The following EIF4G3 variants were observed in gnomAD, a reference collection of about 807,000 sequenced individuals.
The protein encoded by EIF4G3 is eukaryotic translation initiation factor 4 gamma 3.
In EIF4G3, 34 loss-of-function variants were observed where a neutral mutation model predicts 186.4. The ratio of observed to expected loss-of-function variants is 0.18; its 90% CI spans 0.14 to 0.24. The LOEUF is 0.24. Among genes scored for constraint, EIF4G3 ranks in the 10% least tolerant of loss-of-function variants. The pLI is 1.00. For synonymous variants in EIF4G3, 673 were observed against 679.5 expected, an observed-to-expected ratio of 0.99 and a Z score of 0.15; for missense variants, 1,536 against 1,948.5, an observed-to-expected ratio of 0.79 and a Z score of 3.99.
chr1:20,866,355 T>C (rs956732872), intron 20 of EIF4G3, among the ~76,000 whole-genome samples: 16 of 152,216 alleles, frequency 1.1e-4, no homozygotes, highest in African/African-American at 3.9e-4. Flanking sequence ...TTCCCTACGA[T>C]GTATGAAAGA....
chr1:21,099,607 T>C (rs2101753975), intron 2 of EIF4G3, among the ~76,000 whole-genome samples: 1 of 152,242 alleles, frequency 6.6e-6, no homozygotes, highest in Middle Eastern at 3.4e-3. Flanking sequence ...AATATACTAG[T>C]TAAGACAAAA....
chr1:21,109,912 G>A (rs558966517), intron 2 of EIF4G3, among the ~76,000 whole-genome samples: 1 of 152,202 alleles, frequency 6.6e-6, no homozygotes, highest in East Asian at 1.9e-4. Flanking sequence ...AGCCACCCAA[G>A]TAGCTGGGAT....
chr1:20,819,304 TC>T lies in EIF4G3; in HGVS notation c.4369-1767del, dbSNP rs201792687. Among the ~76,000 whole-genome samples the T allele has an allele frequency of 6.0e-3, 910 of 151,622 alleles. 6 individuals carry two copies. The highest frequency in any genetic ancestry group is 0.021 in the African/African-American group (876 of 41,460). ...TATATATATTATTTTGCCTTTTTTT[TC>T]TTTTAAACTGAAGTCTCATATTTAT... is the stretch of plus-strand genomic sequence containing the variant. On this transcript the variant is annotated intron_variant, in intron 33 of 36. Transcript: ENST00000602326.
intron 2 of EIF4G3, among the ~76,000 whole-genome samples, chr1:21,134,774 G>C (rs745706959): frequency 5.3e-5 from 8 of 152,166 alleles, no homozygotes; most frequent in Admixed American, 1.3e-4. Flanking sequence ...ATCAAGGAGG[G>C]TACATGCAAG....
rs1193023322 is a variant in EIF4G3 at position 20,951,112 on chromosome 1, T to TG, written c.715-1002dup. Reference sequence around the variant, plus strand: ...GGGAGTAGGGATGGGGAGATTAAGATGTGGGTGAGTGTGGGCAAACAGAGA... The same window carrying TG: ...GGGAGTAGGGATGGGGAGATTAAGATGGTGGGTGAGTGTGGGCAAACAGAGA... On this transcript the variant is annotated intron_variant, in intron 12 of 36. Coordinates refer to ENST00000602326, the MANE Select transcript of EIF4G3 (RefSeq NM_001391906.1). Among the ~76,000 whole-genome samples, 11 of 151,920 alleles carry TG rather than the reference T, an allele frequency of 7.2e-5. No individual in the cohort carries two copies. In the East Asian group the frequency reaches 2.1e-3, roughly 29 times the overall value.
chr1:20,942,169 A>G lies in EIF4G3; in HGVS notation c.985T>C (p.Ser329Pro), dbSNP rs1446954853. 1 of 1,614,168 alleles carries G rather than the reference A, an allele frequency of 6.2e-7. No individual in the cohort carries two copies. Among genetic ancestry groups the G allele is most frequent in the Admixed American group, 1.7e-5 (1 of 60,030 alleles). ...GCTGCAATTGTACTTCGAGCAACAGAAGAAACAGTGGTAGGTGATGGAGGC... is the reference window on the plus strand; with the variant it reads ...GCTGCAATTGTACTTCGAGCAACAGGAGAAACAGTGGTAGGTGATGGAGGC... ...PLPPSPTTVS[S>P]VARSTIAAPT... The change falls in exon 14 of 37, where the codon TCT becomes CCT. Residue 329 changes from serine to proline, a missense_variant. Around this residue, in one of 11 missense-constraint regions of EIF4G3, gnomAD observed 560 missense variants for 547.8 expected, o/e 1.02. Coordinates refer to ENST00000602326, the MANE Select transcript of EIF4G3 (RefSeq NM_001391906.1).
At chr1:20,817,681 GTT>G (rs34471464) in intron 33 of EIF4G3, 143 bp from the exon 34 acceptor site, 62,301 of 148,386 alleles carry the variant, frequency 0.42, 9,483 homozygotes, top group East Asian at 0.55. Flanking sequence ...TATGTTTGTA[GTT>G]TTTTTTTTTT....
chr1:20,889,940 T>A (rs893812111), intron 18 of EIF4G3, among the ~76,000 whole-genome samples: 3 of 152,124 alleles, frequency 2.0e-5, no homozygotes, highest in African/African-American at 7.2e-5. Flanking sequence ...ATTAAAAATA[T>A]TTTATAGCAA....
intron 12 of EIF4G3, among the ~76,000 whole-genome samples, chr1:20,957,720 A>G (rs60977809): frequency 3.2e-3 from 491 of 152,250 alleles, no homozygotes; most frequent in Middle Eastern, 6.8e-3. Flanking sequence ...TGGAGACATT[A>G]CAACAAACAC....
At position 21,013,510 on chromosome 1, in the gene EIF4G3, G is replaced by C. The variant is rs919815078; in HGVS notation, c.-66-10702C>G. Among the ~76,000 whole-genome samples the C allele has an allele frequency of 2.0e-5, 3 of 152,128 alleles. 1 individual carries two copies. Among genetic ancestry groups the C allele is most frequent in the Non-Finnish European group, 4.4e-5 (3 of 68,014 alleles). On this transcript the variant is annotated intron_variant, in intron 4 of 36. Coordinates refer to ENST00000602326, the MANE Select transcript of EIF4G3 (RefSeq NM_001391906.1). ...TCGTTCTGGCTTGTCTGGGGGTGCT[G>C]CTCATGGGACTGATTACTGTTTCAC...
intron 2 of EIF4G3, among the ~76,000 whole-genome samples, chr1:21,100,243 G>C (rs1163924139): frequency 6.6e-6 from 1 of 152,062 alleles, no homozygotes; most frequent in African/African-American, 2.4e-5. Flanking sequence ...AAAGGATCCT[G>C]GGTTTCTTTT....
At chr1:21,110,547 G>A (rs1466295234) in intron 2 of EIF4G3, among the ~76,000 whole-genome samples, 3 of 151,708 alleles carry the variant, frequency 2.0e-5, no homozygotes, top group Non-Finnish European at 4.4e-5. Flanking sequence ...CGCCCACCTC[G>A]GCCTTCCAAA....
In EIF4G3 at chr1:21,011,396, C is replaced by G. The variant is rs140409683; in HGVS notation, c.-66-8588G>C. Among the ~76,000 whole-genome samples, 631 of 152,184 alleles carry G rather than the reference C, an allele frequency of 4.1e-3. 7 individuals carry two copies. The highest frequency in any genetic ancestry group is 0.013 in the African/African-American group (560 of 41,534). On this transcript the variant is annotated intron_variant, in intron 4 of 36. Transcript: ENST00000602326. ...GGAATTTGAGAAATAAAACAGAGCT[C>G]CCATATACTCTTCATCTAGTTTCCC...
chr1:20,910,825 A>G (rs914885076), intron 14 of EIF4G3, among the ~76,000 whole-genome samples: 1 of 152,194 alleles, frequency 6.6e-6, no homozygotes, highest in Non-Finnish European at 1.5e-5. Flanking sequence ...ACACAAAATT[A>G]TACCTACACT....
rs1260475071 is a variant in EIF4G3 at position 20,914,873 on chromosome 1, GTA to G, written c.1664-9904_1664-9903del. Among the ~76,000 whole-genome samples, 8 of 152,204 alleles carry G rather than the reference GTA, an allele frequency of 5.3e-5. No homozygotes were observed. In the East Asian group the frequency reaches 1.5e-3, roughly 29 times the overall value. On this transcript the variant is annotated intron_variant, in intron 14 of 36. Transcript: ENST00000602326. Reference sequence around the variant, plus strand: ...GTCTATCTTGGTAAATCTTCAATTTGTATTTGAAAAGAATGTGTATCTACTGT... The same window carrying G: ...GTCTATCTTGGTAAATCTTCAATTTGTTTGAAAAGAATGTGTATCTACTGT...
chr1:21,055,270 G>A (rs548387507), intron 3 of EIF4G3, among the ~76,000 whole-genome samples: 57 of 151,810 alleles, frequency 3.8e-4, no homozygotes, highest in Non-Finnish European at 7.5e-4. Flanking sequence ...TTTTTAACAC[G>A]GGAAAAATTC....
intron 4 of EIF4G3, among the ~76,000 whole-genome samples, chr1:21,048,992 A>G (rs1162918065): frequency 6.6e-6 from 1 of 152,186 alleles, no homozygotes; most frequent in African/African-American, 2.4e-5. Context: ...ACAATATACG[A>G]AGGTTATACA....
intron 3 of EIF4G3, among the ~76,000 whole-genome samples, chr1:21,062,155 C>T (rs1423619610): frequency 2.0e-5 from 3 of 151,614 alleles, no homozygotes; most frequent in Non-Finnish European, 4.4e-5. Context: ...AACTCCAGGG[C>T]TCAAGCAATC....
chr1:20,840,950 G>T lies in EIF4G3; in HGVS notation c.3967C>A (p.Leu1323Met). 2.5e-6 allele frequency: 4 copies of T among 1,614,074 alleles called. No individual in the cohort carries two copies. The highest frequency in any genetic ancestry group is 1.1e-5 in the South Asian group (1 of 91,082). The change falls in exon 30 of 37, where the codon CTG becomes ATG. Residue 1323 changes from leucine to methionine, a missense_variant. By Grantham distance (15) the Leu-to-Met change is conservative (BLOSUM62 2). This residue lies in a region of EIF4G3 where 395 missense variants were observed against 498.9 expected (regional missense o/e 0.79). Coordinates refer to ENST00000602326, the MANE Select transcript of EIF4G3 (RefSeq NM_001391906.1). ...VFVRVGVEST[L>M]ERSQITRDHM... The stretch of plus-strand genomic sequence containing the variant: ...TCCCTGGTGATCTGGCTCCTTTCCA[G>T]GGTGGACTCCACTCCCACTCTCACA...
Sources: allele counts gnomAD v4.1 joint callset (sites outside exome capture counted in the v4.1 genomes callset), GRCh38; gene constraint gnomAD v4.1.1; regional missense constraint gnomAD v4.1.1; transcripts MANE v1.5; gene names NCBI Gene and HGNC (gene_info 2026-07-23, HGNC 2026-07-21).